Variants in NCS1 observed in about 807,000 individuals in gnomAD.
The protein encoded by NCS1 is frequenin homolog.
NCS1 carries 6 observed loss-of-function variants against 28.4 expected under a neutral mutation model. That is an observed-to-expected ratio of 0.21 (90% CI 0.12 to 0.42). The LOEUF (loss-of-function observed/expected upper bound fraction) is 0.42, where lower values mean the gene tolerates loss of function less well. NCS1 is among the 10% of genes least tolerant of loss of function. The pLI is 1.00. For missense variants in NCS1, 131 were observed against 241.4 expected (o/e 0.54, Z 3.03); for synonymous variants, 86 against 99.3 (o/e 0.87, Z 0.79).
At chr9:130,178,194 C>T (rs1279022281) in intron 1 of NCS1, among the ~76,000 whole-genome samples, 1 of 152,184 alleles carries the variant, frequency 6.6e-6, no homozygotes, top group Non-Finnish European at 1.5e-5. Context: ...ACTTTCCTGG[C>T]AGCAGCTGGT....
Position 130,180,030 on chromosome 9 carries a change from TC to T in NCS1, c.64+7304del, listed in dbSNP as rs1554905008. On this transcript the variant is annotated intron_variant, in intron 1 of 7. Coordinates refer to ENST00000372398, the MANE Select transcript of NCS1 (RefSeq NM_014286.4). This position sits in a 1 kb window ranked among gnomAD's most constrained non-coding sequence, Gnocchi z 4.5. ...ATCTATCTATCTATCTATCTATCTATCTATCTATCTATCTATCTATCGAGAT... is the reference window on the plus strand; with the variant it reads ...ATCTATCTATCTATCTATCTATCTATTATCTATCTATCTATCTATCGAGAT... Among the ~76,000 whole-genome samples, 4 of 150,410 alleles carry T rather than the reference TC, an allele frequency of 2.7e-5. No homozygotes were observed. The highest frequency in any genetic ancestry group is 9.7e-5 in the African/African-American group (4 of 41,132).
rs1588123341 is a variant in NCS1 at position 130,219,120 on chromosome 9, A to G, written c.229-605A>G. Among the ~76,000 whole-genome samples the G allele has an allele frequency of 6.6e-6, 1 of 151,982 alleles. No homozygotes were observed. Among genetic ancestry groups the G allele is most frequent in the Non-Finnish European group, 1.5e-5 (1 of 67,986 alleles). The stretch of plus-strand genomic sequence containing the variant: ...TGTTGGGTTATCTGCGATGACCCTG[A>G]TTCTGTCCTGCAGTAGCATTTGAGG... On this transcript the variant is annotated intron_variant, in intron 3 of 7. Transcript: ENST00000372398. The surrounding 1 kb of genome is among the most constrained non-coding windows in gnomAD (Gnocchi z 5.7).
intron 1 of NCS1, among the ~76,000 whole-genome samples, chr9:130,176,485 C>T (rs536899598): frequency 1.1e-4 from 16 of 152,276 alleles, no homozygotes; most frequent in East Asian, 1.9e-4. Context: ...CCTGAGCCAC[C>T]GCACCCGGCC....
chr9:130,221,409 T>G (rs1166449851), intron 4 of NCS1, among the ~76,000 whole-genome samples: 13,385 of 43,746 alleles, frequency 0.31, 986 homozygotes, highest in Non-Finnish European at 0.36. Context: ...TATATATATA[T>G]ATATAGAGAG....
intron 2 of NCS1, among the ~76,000 whole-genome samples, chr9:130,216,158 C>G (rs1490161043): frequency 6.6e-6 from 1 of 152,206 alleles, no homozygotes; most frequent in Non-Finnish European, 1.5e-5. Context: ...TGTGCGTCCT[C>G]TCTGTATGGA....
intron 4 of NCS1, 112 bp from the exon 5 acceptor site, chr9:130,222,538 A>G (rs1184196201): frequency 1.2e-5 from 10 of 806,882 alleles, no homozygotes; most frequent in Non-Finnish European, 2.2e-5. Context: ...CTGATGAGGA[A>G]TGGGCCATCC....
Position 130,226,315 on chromosome 9 carries a change from G to T in NCS1, c.475-74G>T. The T allele has an allele frequency of 7.6e-7, 1 of 1,311,012 alleles. No homozygotes were observed. The highest frequency in any genetic ancestry group is 1.2e-5 in the South Asian group (1 of 83,440). The allele number at this position is 1,311,012 out of a possible 1,614,324, so 81.2% of individuals were successfully genotyped here. ...TAACCTTGGAAGGGCTCTTGGGACCGGCCCTGGGCTGGGCTTGTCTAGAGC... is the reference window on the plus strand; with the variant it reads ...TAACCTTGGAAGGGCTCTTGGGACCTGCCCTGGGCTGGGCTTGTCTAGAGC... On this transcript the variant is annotated intron_variant, in intron 6 of 7. Transcript: ENST00000372398. This position sits in a 1 kb window ranked among gnomAD's most constrained non-coding sequence, Gnocchi z 4.8.
chr9:130,194,248 C>T (rs1380514268), intron 1 of NCS1, among the ~76,000 whole-genome samples: 13 of 150,014 alleles, frequency 8.7e-5, no homozygotes, highest in African/African-American at 2.2e-4. Flanking sequence ...GACTGGCTCT[C>T]GTGTTCATTC....
At chr9:130,223,780 G>C (rs569038389) in intron 6 of NCS1, among the ~76,000 whole-genome samples, 1 of 152,206 alleles carries the variant, frequency 6.6e-6, no homozygotes, top group East Asian at 1.9e-4. Context: ...AAAAAAGGCT[G>C]ATTTTTTTTC....
intron 2 of NCS1, among the ~76,000 whole-genome samples, chr9:130,213,328 A>G (rs1206475293): frequency 6.6e-6 from 1 of 151,978 alleles, no homozygotes; most frequent in Non-Finnish European, 1.5e-5. Flanking sequence ...CCCAGGCTGG[A>G]GTGCAGTGGC....
intron 1 of NCS1, among the ~76,000 whole-genome samples, chr9:130,185,602 C>T (rs911006971): frequency 1.3e-5 from 2 of 152,214 alleles, no homozygotes; most frequent in African/African-American, 4.8e-5. Context: ...CCCCTCCTCC[C>T]GGCCCTGCTC....
At chr9:130,223,225 T>A in intron 6 of NCS1, 66 bp downstream of exon 6, 1 of 1,470,356 alleles carries the variant, frequency 6.8e-7, no homozygotes, top group Non-Finnish European at 9.5e-7. Context: ...GGAATTGGAG[T>A]CCCTGGATCC....
intron 4 of NCS1, 93 bp from the exon 5 acceptor site, chr9:130,222,557 A>T: frequency 5.9e-6 from 6 of 1,012,866 alleles, no homozygotes; most frequent in Non-Finnish European, 7.8e-6. Context: ...CCGGTCGCTG[A>T]CTTCATGTTG....
rs1833166871 is a variant in NCS1, at chr9:130,215,346, G to A, written c.90-2486G>A. ...GGTGGCTGTGTCCCTTCCTCCTGCT[G>A]TGGGAAGGGACTTGAGATCCGTGTG... On this transcript the variant is annotated intron_variant, in intron 2 of 7. Coordinates refer to ENST00000372398, the MANE Select transcript of NCS1 (RefSeq NM_014286.4). The surrounding 1 kb of genome is among the most constrained non-coding windows in gnomAD (Gnocchi z 4.2). Among the ~76,000 whole-genome samples, 4 of 152,186 alleles carry A rather than the reference G, an allele frequency of 2.6e-5. No homozygotes were observed. The South Asian group carries it at 8.3e-4, about 31-fold the overall frequency.
intron 1 of NCS1, among the ~76,000 whole-genome samples, chr9:130,174,457 A>G (rs1832533386): frequency 6.6e-6 from 1 of 152,320 alleles, no homozygotes; most frequent in East Asian, 1.9e-4. Context: ...CCATGATCCC[A>G]CAGCTAGTGA....
Position 130,192,433 on chromosome 9 carries a change from TC to T in NCS1, c.65-8523del, listed in dbSNP as rs1832827137. 6.6e-6 allele frequency among the ~76,000 whole-genome samples: 1 copy of T among 152,020 alleles called. No individual in the cohort carries two copies. Among genetic ancestry groups the T allele is most frequent in the African/African-American group, 2.4e-5 (1 of 41,388 alleles). On this transcript the variant is annotated intron_variant, in intron 1 of 7. Coordinates refer to ENST00000372398, the MANE Select transcript of NCS1 (RefSeq NM_014286.4). This position sits in a 1 kb window ranked among gnomAD's most constrained non-coding sequence, Gnocchi z 4.8. ...CTCCAGCCCTCTCGGGGGCTGCTCT[TC>T]CTGGACACGGGGCCTGTCGTTGTGG...
chr9:130,213,130 A>G (rs1833135980), intron 2 of NCS1, among the ~76,000 whole-genome samples: 1 of 152,098 alleles, frequency 6.6e-6, no homozygotes, highest in Admixed American at 6.5e-5. Flanking sequence ...GGGGCAGGTG[A>G]GGCGGGGAGC....
chr9:130,223,075 C>G lies in NCS1; in HGVS notation c.397-7C>G. The G allele has an allele frequency of 6.2e-7, 1 of 1,613,240 alleles. No individual in the cohort carries two copies. The highest frequency in any genetic ancestry group is 8.5e-7 in the Non-Finnish European group (1 of 1,179,332). On this transcript the variant is annotated splice_region_variant and splice_polypyrimidine_tract_variant and intron_variant, in intron 5 of 7. Transcript: ENST00000372398. The stretch of plus-strand genomic sequence containing the variant: ...AGGGCCCACCCCCGCCTTGTCCGTC[C>G]CTGCAGGGGAATACCGTGGAGCTCC...
chr9:130,176,219 G>A (rs190852487), intron 1 of NCS1, among the ~76,000 whole-genome samples: 136 of 92,554 alleles, frequency 1.5e-3, no homozygotes, highest in African/African-American at 4.9e-3. Flanking sequence ...TGGAGACAGG[G>A]TCTGGCTGTG....
Sources: allele counts gnomAD v4.1 joint callset (sites outside exome capture counted in the v4.1 genomes callset), GRCh38; gene constraint gnomAD v4.1.1; non-coding constraint Gnocchi (gnomAD v3.1); transcripts MANE v1.5; gene names NCBI Gene and HGNC (gene_info 2026-07-23, HGNC 2026-07-21).